ARAP2: variants seen among roughly 807,000 people sequenced by gnomAD.
The protein encoded by ARAP2 is arf-GAP with Rho-GAP domain, ANK repeat and PH domain-containing protein 2.
In ARAP2, 148 loss-of-function variants were observed where a neutral mutation model predicts 194.5. The observed-to-expected ratio is 0.76, with a 90% CI of 0.67 to 0.87. ARAP2 has a LOEUF of 0.87. ARAP2 is among the 40% of genes least tolerant of loss of function. The pLI, the probability that ARAP2 is intolerant of heterozygous loss-of-function variation, is 0.00. For missense variants in ARAP2, 2,128 were observed against 1,989.7 expected, an observed-to-expected ratio of 1.07 and a Z score of -1.32; for synonymous variants, 695 against 683.5, an observed-to-expected ratio of 1.02 and a Z score of -0.26.
intron 8 of ARAP2, among the ~76,000 whole-genome samples, chr4:36,183,518 C>T (rs1163631618): frequency 6.6e-6 from 1 of 152,120 alleles, no homozygotes; most frequent in East Asian, 1.9e-4. Context: ...CTCTTCTAAG[C>T]ACCAGAACTG....
chr4:36,110,367 T>G (rs1259685351), intron 26 of ARAP2, among the ~76,000 whole-genome samples: 2 of 151,912 alleles, frequency 1.3e-5, no homozygotes, highest in Non-Finnish European at 2.9e-5. Context: ...CACATCATAG[T>G]AGGTATGAGG....
chr4:36,058,914 A>G (rs1238275527), intron 1 of ARAP2, among the ~76,000 whole-genome samples: 3 of 152,216 alleles, frequency 2.0e-5, no homozygotes, highest in Non-Finnish European at 4.4e-5. Context: ...TGGCATGATC[A>G]GAGATTGTCT....
intron 31 of ARAP2, among the ~76,000 whole-genome samples, chr4:36,078,526 C>T (rs1728764040): frequency 6.6e-6 from 1 of 152,042 alleles, no homozygotes; most frequent in African/African-American, 2.4e-5. Context: ...TTGCTGTTTC[C>T]CTACAGAGAT....
chr4:36,127,374 G>A (rs182919245), intron 21 of ARAP2, among the ~76,000 whole-genome samples: 208 of 152,016 alleles, frequency 1.4e-3, no homozygotes, highest in Middle Eastern at 6.8e-3. Flanking sequence ...ACATTAGAAG[G>A]CAAATGAAAG....
At chr4:36,005,610 T>G (rs1181685533) in intron 10 of ARAP2, 1 of 152,124 alleles carries the variant, frequency 6.6e-6, no homozygotes, top group Non-Finnish European at 1.5e-5. Flanking sequence ...ATGAGGCTAG[T>G]CAAAATTTTA....
chr4:36,180,098 C>A (rs1578187397), intron 8 of ARAP2, among the ~76,000 whole-genome samples: 1 of 152,144 alleles, frequency 6.6e-6, no homozygotes, highest in African/African-American at 2.4e-5. Context: ...CATGGTGACA[C>A]CCGGTCTATA....
intron 3 of ARAP2, among the ~76,000 whole-genome samples, 176 bp from the exon 4 acceptor site, chr4:36,213,495 T>G (rs1747222498): frequency 6.6e-6 from 1 of 152,166 alleles, no homozygotes; most frequent in Non-Finnish European, 1.5e-5. Flanking sequence ...CATCGTCTTC[T>G]TGATATAACA....
Position 36,082,255 on chromosome 4 carries a change from G to C in ARAP2, c.4540C>G (p.His1514Asp), listed in dbSNP as rs747750983. ...WGLTAYSEKHHWHLCCDSSRT... is the reference protein window; with the variant it reads ...WGLTAYSEKHDWHLCCDSSRT... ...AGTTGTCAGCTGTTAACTTACCAGT[G>C]ATGTTTCTCAGAATATGCGGTCAAT... is the stretch of plus-strand genomic sequence containing the variant. The change falls in exon 30 of 33, where the codon CAC (histidine) becomes GAC (aspartate). Residue 1514 changes from histidine (H) to aspartate (D), a missense_variant. His to Asp is a moderately conservative substitution (Grantham distance 81). Coordinates refer to ENST00000303965, the MANE Select transcript of ARAP2 (RefSeq NM_015230.4). 6.8e-5 allele frequency: 110 copies of C among 1,610,754 alleles called. No individual in the cohort carries two copies. Among genetic ancestry groups the C allele is most frequent in the Non-Finnish European group, 8.9e-5 (105 of 1,178,646 alleles).
At chr4:36,070,662 A>G (rs1560362413) in intron 32 of ARAP2, among the ~76,000 whole-genome samples, 1 of 152,212 alleles carries the variant, frequency 6.6e-6, no homozygotes, top group Non-Finnish European at 1.5e-5. Context: ...ATGGTTACAG[A>G]GGTCTTAGGA....
rs560605858 is a variant in ARAP2, at chr4:36,172,867, C to A, written c.1857+4960G>T. On this transcript the variant is annotated intron_variant, in intron 9 of 32. Coordinates refer to ENST00000303965, the MANE Select transcript of ARAP2 (RefSeq NM_015230.4). ...ATGCAGAGTTGGGCCAGATACAAAA[C>A]CCAGAGAATTTGAGGCCACCACCTC... Among the ~76,000 whole-genome samples, 137 of 152,248 alleles carry A rather than the reference C, an allele frequency of 9.0e-4. 1 individual carries two copies. The highest frequency in any genetic ancestry group is 1.7e-3 in the Non-Finnish European group (117 of 68,016).
intron 25 of ARAP2, among the ~76,000 whole-genome samples, chr4:36,116,622 A>C (rs1721388145): frequency 6.6e-6 from 1 of 151,888 alleles, no homozygotes; most frequent in Non-Finnish European, 1.5e-5. Context: ...TAGTAGTAAT[A>C]GTTATTTATT....
At chr4:36,196,752 C>G (rs1025675955) in intron 6 of ARAP2, among the ~76,000 whole-genome samples, 1 of 151,948 alleles carries the variant, frequency 6.6e-6, no homozygotes, top group South Asian at 2.1e-4. Context: ...CACGCATTCA[C>G]CCAGTCAGCC....
intron 5 of ARAP2, among the ~76,000 whole-genome samples, chr4:36,026,320 G>A (rs534819740): frequency 6.6e-6 from 1 of 152,238 alleles, no homozygotes; most frequent in South Asian, 2.1e-4. Flanking sequence ...TAGTTGTATC[G>A]AATAATCCTT....
intron 28 of ARAP2, among the ~76,000 whole-genome samples, chr4:36,083,989 C>T (rs1730237154): frequency 6.6e-6 from 1 of 152,042 alleles, no homozygotes; most frequent in African/African-American, 2.4e-5. Flanking sequence ...TGCTTCCTGC[C>T]CTTGAACATC....
At position 36,150,997 on chromosome 4, in the gene ARAP2, A is replaced by T; in HGVS notation, c.2800T>A (p.Tyr934Asn). ...CVLEGGFLSYYENDKSTTPNG... is the reference protein window; with the variant it reads ...CVLEGGFLSYNENDKSTTPNG... ...GGTGTGGTAGACTTATCATTTTCAT[A>T]GTAACTCAAGAAGCCTCCTTCCAAA... Residue 934 changes from tyrosine (Y) to asparagine (N), a missense_variant, in exon 16 of 33, where the codon TAT (tyrosine) becomes AAT (asparagine). Transcript: ENST00000303965. 6.2e-7 allele frequency: 1 copy of T among 1,611,726 alleles called. No homozygotes were observed. The highest frequency in any genetic ancestry group is 8.5e-7 in the Non-Finnish European group (1 of 1,179,024).
intron 2 of ARAP2, among the ~76,000 whole-genome samples, chr4:36,215,804 C>T (rs186961745): frequency 2.6e-4 from 40 of 151,620 alleles, no homozygotes; most frequent in Admixed American, 2.2e-3. Flanking sequence ...GACCCATGAT[C>T]GTGCCACTGC....
chr4:36,106,915 C>T (rs887499669), intron 27 of ARAP2, among the ~76,000 whole-genome samples: 1 of 151,746 alleles, frequency 6.6e-6, no homozygotes, highest in Non-Finnish European at 1.5e-5. Flanking sequence ...TGTATATAAT[C>T]CTGGCTTTTT....
At chr4:36,215,326 G>A (rs1185083884) in intron 2 of ARAP2, among the ~76,000 whole-genome samples, 1 of 152,144 alleles carries the variant, frequency 6.6e-6, no homozygotes, top group Admixed American at 6.5e-5. Context: ...AAGTTCCGAA[G>A]AAATGCGGTG....
chr4:36,119,739 G>A, intron 23 of ARAP2, 21 bp from the exon 24 acceptor site: 1 of 1,525,612 alleles, frequency 6.6e-7, no homozygotes, highest in Non-Finnish European at 9.0e-7. Flanking sequence ...TATAATTCGG[G>A]ACATTCTAAT....
Sources: allele counts gnomAD v4.1 joint callset (sites outside exome capture counted in the v4.1 genomes callset), GRCh38; gene constraint gnomAD v4.1.1; transcripts MANE v1.5; gene names NCBI Gene and HGNC (gene_info 2026-07-23, HGNC 2026-07-21).